LCORL: variants seen among roughly 807,000 people sequenced by gnomAD.
LCORL encodes the protein ligand dependent nuclear receptor corepressor like.
A neutral mutation model predicts 141.8 loss-of-function variants in LCORL; 41 were observed. That is an observed-to-expected ratio of 0.29 (90% CI 0.23 to 0.38). LCORL has a LOEUF of 0.38. LCORL is among the 10% of genes least tolerant of loss of function. The pLI is 1.00. For missense variants in LCORL, 1,759 were observed against 2,035.0 expected (o/e 0.86, Z 2.61); for synonymous variants, 618 against 694.1 (o/e 0.89, Z 1.72).
intron 5 of LCORL, among the ~76,000 whole-genome samples, chr4:17,903,751 G>C (rs1334477841): frequency 6.6e-6 from 1 of 152,014 alleles, no homozygotes; most frequent in Non-Finnish European, 1.5e-5. Context: ...CATATTTTAA[G>C]TGAGTGTAGA....
At chr4:18,011,937 A>T (rs916668446) in intron 1 of LCORL, among the ~76,000 whole-genome samples, 7 of 152,246 alleles carry the variant, frequency 4.6e-5, no homozygotes, top group Non-Finnish European at 7.3e-5. Flanking sequence ...CCATTACATT[A>T]CACCAAGTCT....
intron 4 of LCORL, among the ~76,000 whole-genome samples, chr4:17,935,903 A>C (rs1313552747): frequency 6.6e-6 from 1 of 152,204 alleles, no homozygotes; most frequent in African/African-American, 2.4e-5. Context: ...CAGTAATTGA[A>C]AAGCAATTTT....
At chr4:18,010,747 C>T (rs958602645) in intron 1 of LCORL, among the ~76,000 whole-genome samples, 6 of 152,170 alleles carry the variant, frequency 3.9e-5, no homozygotes, top group African/African-American at 1.4e-4. Flanking sequence ...CCACCGGGCC[C>T]GGCCATAACA....
chr4:17,899,358 G>C (rs1184262283), intron 5 of LCORL, among the ~76,000 whole-genome samples: 1 of 151,800 alleles, frequency 6.6e-6, no homozygotes, highest in Non-Finnish European at 1.5e-5. Flanking sequence ...TGAACAGGGG[G>C]CAAGCCAAAA....
intron 4 of LCORL, among the ~76,000 whole-genome samples, chr4:17,925,062 T>A (rs1387660212): frequency 2.0e-5 from 3 of 152,206 alleles, no homozygotes; most frequent in Non-Finnish European, 4.4e-5. Context: ...TCTGCTGGCC[T>A]AGAGATGTTA....
At chr4:17,999,235 C>T (rs566313794) in intron 1 of LCORL, among the ~76,000 whole-genome samples, 3 of 149,562 alleles carry the variant, frequency 2.0e-5, no homozygotes, top group East Asian at 2.0e-4. Context: ...GGGAGGATTA[C>T]GAGGTCAGGA....
chr4:17,966,160 T>G (rs1357422127), intron 2 of LCORL, among the ~76,000 whole-genome samples: 1 of 152,150 alleles, frequency 6.6e-6, no homozygotes, highest in African/African-American at 2.4e-5. Flanking sequence ...ATTAACATTT[T>G]GTTATAGATT....
intron 4 of LCORL, among the ~76,000 whole-genome samples, chr4:17,918,385 T>C (rs1268790415): frequency 1.3e-5 from 2 of 152,280 alleles, no homozygotes; most frequent in East Asian, 1.9e-4. Context: ...AGCCCATATA[T>C]TGAACTTATT....
chr4:17,870,561 A>G (rs554780527), intron 7 of LCORL, among the ~76,000 whole-genome samples: 1 of 152,222 alleles, frequency 6.6e-6, no homozygotes, highest in African/African-American at 2.4e-5. Flanking sequence ...CCATTTTTCT[A>G]TCCTTCATGA....
chr4:17,893,538 G>A (rs1361304811), intron 5 of LCORL: 1 of 985,210 alleles, frequency 1.0e-6, no homozygotes, highest in Non-Finnish European at 1.2e-6. Context: ...ATATTCTTCA[G>A]AAAATGGTTT....
intron 7 of LCORL, among the ~76,000 whole-genome samples, chr4:17,860,819 G>A (rs1724916799): frequency 6.6e-6 from 1 of 152,148 alleles, no homozygotes; most frequent in South Asian, 2.1e-4. Flanking sequence ...CAAAACACAG[G>A]GGCTAAAGGC....
Position 17,917,940 on chromosome 4 carries a change from A to AAAAACAAAACAAAACAAAAC in LCORL, c.431-8615_431-8596dup, listed in dbSNP as rs139664926. 3.5e-3 allele frequency among the ~76,000 whole-genome samples: 526 copies of AAAAACAAAACAAAACAAAAC among 151,856 alleles called. 4 individuals are homozygous for AAAAACAAAACAAAACAAAAC. Among genetic ancestry groups the AAAAACAAAACAAAACAAAAC allele is most frequent in the African/African-American group, 0.012 (501 of 41,156 alleles). The stretch of plus-strand genomic sequence containing the variant: ...CTTTGCGCTGAAGTTACAGGTTAAC[A>AAAAACAAAACAAAACAAAAC]AAAACAAAACAAAACAAAACAAAAC... On this transcript the variant is annotated intron_variant, in intron 4 of 7. Coordinates refer to ENST00000635767, the Ensembl canonical transcript of LCORL.
intron 5 of LCORL, among the ~76,000 whole-genome samples, chr4:17,893,947 C>T (rs183642290): frequency 4.6e-5 from 7 of 152,140 alleles, no homozygotes; most frequent in South Asian, 2.1e-4. Flanking sequence ...CACAGGTGTG[C>T]GCCACCATGC....
chr4:17,893,702 C>T, intron 5 of LCORL: 1 of 469,816 alleles, frequency 2.1e-6, no homozygotes, highest in Non-Finnish European at 2.8e-6. Context: ...TTTCTTGAGT[C>T]CAAAATGTGT....
intron 4 of LCORL, among the ~76,000 whole-genome samples, chr4:17,940,151 T>TATGTATATATGTATAC: frequency 7.6e-6 from 1 of 131,984 alleles, no homozygotes; most frequent in African/African-American, 2.6e-5. Flanking sequence ...TATATGTATA[T>TATGTATATATGTATAC]ATGTATATAT....
chr4:17,853,265 G>T (rs1352820527), intron 7 of LCORL, among the ~76,000 whole-genome samples: 1 of 151,956 alleles, frequency 6.6e-6, no homozygotes, highest in Non-Finnish European at 1.5e-5. Flanking sequence ...CTATTCTTCA[G>T]AAGGCTTAAC....
chr4:17,985,627 C>T (rs1337960939), intron 1 of LCORL, among the ~76,000 whole-genome samples: 1 of 152,082 alleles, frequency 6.6e-6, no homozygotes, highest in Non-Finnish European at 1.5e-5. Flanking sequence ...GATTTTCCTC[C>T]ATCCTTTTAT....
chr4:17,915,679 A>G (rs1733288879), intron 4 of LCORL, among the ~76,000 whole-genome samples: 1 of 152,206 alleles, frequency 6.6e-6, no homozygotes, highest in Non-Finnish European at 1.5e-5. Flanking sequence ...GTAATGGGAG[A>G]GTTTCACAAC....
chr4:17,975,264 A>G (rs1036217114), intron 1 of LCORL, among the ~76,000 whole-genome samples: 7 of 152,158 alleles, frequency 4.6e-5, no homozygotes, highest in African/African-American at 1.4e-4. Context: ...ACTGTGATAT[A>G]TTCTTTATTT....
Sources: gnomAD v4.1 joint callset for allele counts (sites outside exome capture counted in the v4.1 genomes callset) on GRCh38, gnomAD v4.1.1 for gene constraint, MANE v1.5 for transcripts, NCBI Gene and HGNC (gene_info 2026-07-23, HGNC 2026-07-21) for gene names.